Variants in BNC2 observed in about 807,000 individuals in gnomAD.
The protein encoded by BNC2 is zinc finger protein basonuclin-2.
Under a neutral mutation model 76.3 loss-of-function variants are expected in BNC2, and 20 were observed. That is an observed-to-expected ratio of 0.26 (90% confidence interval 0.18 to 0.38). The LOEUF (loss-of-function observed/expected upper bound fraction) is 0.38. BNC2 is among the 10% of genes least tolerant of loss of function. BNC2 has a pLI of 1.00. For missense variants in BNC2, 1,382 were observed against 1,399.8 expected (o/e 0.99, Z 0.20); for synonymous variants, 582 against 514.8 (o/e 1.13, Z -1.77).
At chr9:16,672,005 G>A (rs1490408117) in intron 3 of BNC2, among the ~76,000 whole-genome samples, 1 of 152,166 alleles carries the variant, frequency 6.6e-6, no homozygotes, top group African/African-American at 2.4e-5. Context: ...TCATTCATGG[G>A]TGATTGGTCA....
intron 4 of BNC2, among the ~76,000 whole-genome samples, chr9:16,562,093 C>A (rs1371448340): frequency 1.3e-5 from 2 of 152,072 alleles, no homozygotes; most frequent in African/African-American, 4.8e-5. Flanking sequence ...AGATCTCATA[C>A]AGGATTTAGG....
At chr9:16,612,224 G>A (rs971725929) in intron 3 of BNC2, among the ~76,000 whole-genome samples, 5 of 152,110 alleles carry the variant, frequency 3.3e-5, no homozygotes, top group African/African-American at 1.2e-4. Flanking sequence ...CCTCCAGCCT[G>A]ACTAGCCCCT....
intron 1 of BNC2, among the ~76,000 whole-genome samples, chr9:16,780,875 G>T (rs959033186): frequency 6.6e-6 from 1 of 152,046 alleles, no homozygotes; most frequent in African/African-American, 2.4e-5. Flanking sequence ...TAAGAAACAA[G>T]TCCAGTTTTC....
chr9:16,451,162 A>G (rs949968261), intron 5 of BNC2, among the ~76,000 whole-genome samples: 2 of 152,168 alleles, frequency 1.3e-5, no homozygotes, highest in Admixed American at 6.5e-5. Context: ...AGGGGAGACA[A>G]TTAAGAGAGA....
chr9:16,545,844 G>A (rs562340596), intron 5 of BNC2, among the ~76,000 whole-genome samples: 2 of 152,016 alleles, frequency 1.3e-5, no homozygotes, highest in African/African-American at 2.4e-5. Flanking sequence ...AGGAATCTAC[G>A]ATCCGAGAAA....
At chr9:16,858,998 C>G (rs778243136) in intron 1 of BNC2, among the ~76,000 whole-genome samples, 7 of 151,866 alleles carry the variant, frequency 4.6e-5, no homozygotes, top group Non-Finnish European at 8.8e-5. Context: ...ACTCTTAAAA[C>G]TCAACAACAA....
intron 1 of BNC2, among the ~76,000 whole-genome samples, chr9:16,844,647 C>T (rs7033342): frequency 0.98 from 148,444 of 151,612 alleles, 72,754 homozygotes; most frequent in Middle Eastern, 1. Flanking sequence ...TACAGGCACC[C>T]GCCACCACGC....
chr9:16,762,243 G>A (rs1267222710), intron 1 of BNC2, among the ~76,000 whole-genome samples: 1 of 152,130 alleles, frequency 6.6e-6, no homozygotes, highest in Non-Finnish European at 1.5e-5. Flanking sequence ...TTTATGAGGT[G>A]CAAGGGAGGA....
In BNC2 at chr9:16,410,785, G is replaced by C. The variant is rs1820442674; in HGVS notation, c.*8204C>G. 6.6e-6 allele frequency: 1 copy of C among 152,116 alleles called. No individual in the cohort carries two copies. 9.4% of individuals were successfully genotyped at this position (152,116 alleles called of 1,614,324 possible). On this transcript the variant is annotated 3_prime_UTR_variant, in exon 7 of 7. Transcript: ENST00000380672. The stretch of plus-strand genomic sequence containing the variant: ...GAAAGACAATGGAAAAGTCAGAGGA[G>C]ATTAAGATACACAATGAGAGGAATG...
In BNC2 at chr9:16,611,051, G is replaced by T. The variant is rs145097831; in HGVS notation, c.331-27966C>A. Among the ~76,000 whole-genome samples the T allele has an allele frequency of 2.0e-5, 3 of 152,172 alleles. No homozygotes were observed. The East Asian group carries it at 5.8e-4, about 29-fold the overall frequency. ...GACTGAACACAGCAGTTCATTTGTT[G>T]AAGCAATTATCCAGATCCTTGTCAA... On this transcript the variant is annotated intron_variant, in intron 3 of 6. Coordinates refer to ENST00000380672, the MANE Select transcript of BNC2 (RefSeq NM_017637.6).
chr9:16,613,850 G>A (rs1017376589), intron 3 of BNC2, among the ~76,000 whole-genome samples: 1 of 152,176 alleles, frequency 6.6e-6, no homozygotes, highest in African/African-American at 2.4e-5. Context: ...AATTTTCTGA[G>A]TTGTCTCTGA....
chr9:16,522,543 T>C (rs1817650649), intron 5 of BNC2, among the ~76,000 whole-genome samples: 1 of 152,202 alleles, frequency 6.6e-6, no homozygotes, highest in African/African-American at 2.4e-5. Flanking sequence ...CACTTCTCTT[T>C]AGATTTTTTA....
In BNC2 at chr9:16,757,044, G is replaced by A. The variant is rs114207468; in HGVS notation, c.4-18559C>T. 3.0e-3 allele frequency among the ~76,000 whole-genome samples: 439 copies of A among 146,790 alleles called. 1 individual carries two copies. Among genetic ancestry groups the A allele is most frequent in the African/African-American group, 0.01 (418 of 40,158 alleles). ...GAAGGTAACTACCTATTCCTAAAGT[G>A]CCCTGTACTACTTTCCAACACTAGT... is the stretch of plus-strand genomic sequence containing the variant. On this transcript the variant is annotated intron_variant, in intron 1 of 6. Transcript: ENST00000380672.
intron 1 of BNC2, among the ~76,000 whole-genome samples, chr9:16,840,484 A>G (rs1450636442): frequency 6.6e-6 from 1 of 152,222 alleles, no homozygotes; most frequent in Non-Finnish European, 1.5e-5. Context: ...GCTTCTGCTC[A>G]GAAGTATTTA....
chr9:16,691,982 T>C (rs1176287290), intron 3 of BNC2, among the ~76,000 whole-genome samples: 2 of 152,006 alleles, frequency 1.3e-5, no homozygotes, highest in Admixed American at 1.3e-4. Flanking sequence ...GGCTAATTTT[T>C]GTACTTTTAG....
At chr9:16,582,871 G>C (rs1318980880) in intron 4 of BNC2, 112 bp downstream of exon 4, 1 of 846,554 alleles carries the variant, frequency 1.2e-6, no homozygotes, top group African/African-American at 1.7e-5. Flanking sequence ...CTCTTCTCCA[G>C]GCCAGTGACT....
chr9:16,806,300 A>T (rs1817909300), intron 1 of BNC2, among the ~76,000 whole-genome samples: 1 of 152,140 alleles, frequency 6.6e-6, no homozygotes, highest in Non-Finnish European at 1.5e-5. Flanking sequence ...ACATGGTGGG[A>T]TCACTGCAGT....
At chr9:16,628,557 G>C (rs542662058) in intron 3 of BNC2, among the ~76,000 whole-genome samples, 2 of 151,956 alleles carry the variant, frequency 1.3e-5, no homozygotes, top group South Asian at 4.2e-4. Flanking sequence ...TGGGAAACAG[G>C]GGGAGGAACG....
intron 1 of BNC2, among the ~76,000 whole-genome samples, chr9:16,825,869 T>A (rs1162622805): frequency 7.6e-6 from 1 of 131,668 alleles, no homozygotes; most frequent in Non-Finnish European, 1.7e-5. Flanking sequence ...CATAACTGTA[T>A]TTTTTTTTTG....
Sources: gnomAD v4.1 joint callset for allele counts (sites outside exome capture counted in the v4.1 genomes callset) on GRCh38, gnomAD v4.1.1 for gene constraint, MANE v1.5 for transcripts, NCBI Gene and HGNC (gene_info 2026-07-23, HGNC 2026-07-21) for gene names.